CDH4: variants seen among roughly 807,000 people sequenced by gnomAD.
The protein encoded by CDH4 is cadherin-4.
CDH4 carries 33 observed loss-of-function variants against 86.0 expected under a neutral mutation model. The observed-to-expected ratio is 0.38, with a 90% CI of 0.29 to 0.51. CDH4 has a LOEUF of 0.51. Among genes scored for constraint, CDH4 ranks in the 20% least tolerant of loss-of-function variants. CDH4 has a pLI of 0.86. For missense variants in CDH4, 1,114 were observed against 1,307.4 expected (o/e 0.85, Z 2.28); for synonymous variants, 555 against 549.4 (o/e 1.01, Z -0.14).
chr20:61,780,183 C>T (rs1294117707), intron 4 of CDH4, among the ~76,000 whole-genome samples: 4 of 152,024 alleles, frequency 2.6e-5, no homozygotes, highest in East Asian at 1.9e-4. Context: ...GCTGGTGGCT[C>T]GTAGCTTCCA....
intron 2 of CDH4, among the ~76,000 whole-genome samples, chr20:61,494,341 A>G (rs1030045299): frequency 1.3e-5 from 2 of 152,226 alleles, no homozygotes; most frequent in African/African-American, 2.4e-5. Context: ...AGACTTAGAA[A>G]ATCATATGCT....
At chr20:61,400,392 A>C (rs566383868) in intron 2 of CDH4, among the ~76,000 whole-genome samples, 2 of 152,294 alleles carry the variant, frequency 1.3e-5, no homozygotes, top group South Asian at 4.1e-4. Flanking sequence ...GTGATGCTGC[A>C]CTGGGGGTAG....
intron 2 of CDH4, among the ~76,000 whole-genome samples, chr20:61,560,922 G>A (rs1937319): frequency 0.26 from 39,786 of 152,114 alleles, 5,684 homozygotes; most frequent in African/African-American, 0.38. Context: ...TGAGAGGGAC[G>A]GGCCGGGGTC....
At chr20:61,441,448 G>T (rs929141377) in intron 2 of CDH4, among the ~76,000 whole-genome samples, 1 of 152,196 alleles carries the variant, frequency 6.6e-6, no homozygotes, top group African/African-American at 2.4e-5. Flanking sequence ...TGGGAGAAAA[G>T]ACCCCTTTCC....
chr20:61,834,562 G>T (rs146853862), intron 4 of CDH4, among the ~76,000 whole-genome samples: 1 of 152,312 alleles, frequency 6.6e-6, no homozygotes, highest in African/African-American at 2.4e-5. Flanking sequence ...GACAGGTGGG[G>T]ACGCGTGCAT....
At chr20:61,906,058 G>A (rs1038196538) in intron 8 of CDH4, among the ~76,000 whole-genome samples, 1 of 152,170 alleles carries the variant, frequency 6.6e-6, no homozygotes, top group Non-Finnish European at 1.5e-5. Context: ...TCAGATTCAC[G>A]TGGTTACCAT....
At chr20:61,337,045 G>A (rs919838927) in intron 2 of CDH4, among the ~76,000 whole-genome samples, 9 of 152,066 alleles carry the variant, frequency 5.9e-5, no homozygotes, top group African/African-American at 2.2e-4. Context: ...AAGGGCTGGA[G>A]ACAGGCCTGG....
chr20:61,939,349 A>T lies in CDH4; in HGVS notation c.*2406A>T, dbSNP rs1351997724. ...GGCTGGGCGACATTGGCCGCCTCCC[A>T]CTAGCTCCCCCTCCTCGCCCACAGC... On this transcript the variant is annotated 3_prime_UTR_variant, in exon 16 of 16. Coordinates refer to ENST00000614565, the MANE Select transcript of CDH4 (RefSeq NM_001794.5). 6.6e-6 allele frequency: 1 copy of T among 152,286 alleles called. No individual in the cohort carries two copies. The highest frequency in any genetic ancestry group is 1.5e-5 in the Non-Finnish European group (1 of 68,116). 9.4% of individuals were successfully genotyped at this position (152,286 alleles called of 1,614,324 possible).
chr20:61,900,035 C>T (rs1350971598), intron 8 of CDH4, among the ~76,000 whole-genome samples: 1 of 152,180 alleles, frequency 6.6e-6, no homozygotes, highest in African/African-American at 2.4e-5. Context: ...GGTCCCTCCT[C>T]GGAAGTGACC....
chr20:61,930,765 C>T lies in CDH4; in HGVS notation c.2239+923C>T, dbSNP rs557192112. Among the ~76,000 whole-genome samples, 8 of 152,344 alleles carry T rather than the reference C, an allele frequency of 5.3e-5. No homozygotes were observed. The East Asian group carries it at 5.8e-4, about 11-fold the overall frequency. On this transcript the variant is annotated intron_variant, in intron 13 of 15. Coordinates refer to ENST00000614565, the MANE Select transcript of CDH4 (RefSeq NM_001794.5). ...GCTTGTTTTGAAAGCCGTTCAGTGT[C>T]GTGGGCTTCTTTGTATGATCAGGAG...
intron 13 of CDH4, 70 bp from the exon 14 acceptor site, chr20:61,932,915 A>G: frequency 3.8e-6 from 6 of 1,568,758 alleles, no homozygotes; most frequent in Non-Finnish European, 5.2e-6. Flanking sequence ...ACATAGACAC[A>G]TGGCAAACAC....
At chr20:61,610,017 A>G (rs2086672957) in intron 2 of CDH4, among the ~76,000 whole-genome samples, 1 of 152,156 alleles carries the variant, frequency 6.6e-6, no homozygotes, top group African/African-American at 2.4e-5. Flanking sequence ...CCTTCTGGCA[A>G]TTTTGAAACA....
intron 2 of CDH4, among the ~76,000 whole-genome samples, chr20:61,523,251 C>T (rs1331059200): frequency 6.6e-6 from 1 of 152,250 alleles, no homozygotes; most frequent in Non-Finnish European, 1.5e-5. Context: ...TCTCAGGCCA[C>T]GGCCTACTGA....
chr20:61,442,328 C>G (rs1378546975), intron 2 of CDH4, among the ~76,000 whole-genome samples: 2 of 152,184 alleles, frequency 1.3e-5, no homozygotes, highest in Admixed American at 1.3e-4. Flanking sequence ...GCAGACCCTC[C>G]GAATACTCCA....
intron 6 of CDH4, among the ~76,000 whole-genome samples, chr20:61,865,562 C>G (rs1357774000): frequency 6.6e-6 from 1 of 151,568 alleles, no homozygotes; most frequent in Non-Finnish European, 1.5e-5. Context: ...GGCTTCCTGG[C>G]TGGTTAGTGT....
chr20:61,291,771 G>A (rs1370546402), intron 2 of CDH4, among the ~76,000 whole-genome samples: 1 of 152,096 alleles, frequency 6.6e-6, no homozygotes, highest in South Asian at 2.1e-4. Flanking sequence ...TAGGTTCGGG[G>A]GTACATGTGA....
Position 61,453,100 on chromosome 20 carries a change from A to G in CDH4, c.169+198163A>G, listed in dbSNP as rs543927464. Among the ~76,000 whole-genome samples the G allele has an allele frequency of 9.5e-4, 144 of 152,354 alleles. 1 individual carries two copies. Among genetic ancestry groups the G allele is most frequent in the African/African-American group, 3.2e-3 (134 of 41,586 alleles). ...CTGGGAAGTAATTATATGAGTTTAT[A>G]ATAAGCCATAAGACATTTGAAAGGA... On this transcript the variant is annotated intron_variant, in intron 2 of 15. Coordinates refer to ENST00000614565, the MANE Select transcript of CDH4 (RefSeq NM_001794.5).
chr20:61,279,119 G>T (rs2123158351), intron 2 of CDH4, among the ~76,000 whole-genome samples: 1 of 152,348 alleles, frequency 6.6e-6, no homozygotes. Flanking sequence ...ACGTTCCTGA[G>T]AGCTGCCCCA....
chr20:61,764,580 C>T (rs1466945723), intron 3 of CDH4, among the ~76,000 whole-genome samples: 1 of 152,002 alleles, frequency 6.6e-6, no homozygotes, highest in Non-Finnish European at 1.5e-5. Flanking sequence ...CGCAGGGCCC[C>T]CCGAGCAGCC....
Sources: gnomAD v4.1 joint callset for allele counts (sites outside exome capture counted in the v4.1 genomes callset) on GRCh38, gnomAD v4.1.1 for gene constraint, MANE v1.5 for transcripts, NCBI Gene and HGNC (gene_info 2026-07-23, HGNC 2026-07-21) for gene names.